Variants in ZNF451 observed in about 807,000 individuals in gnomAD.
The protein encoded by ZNF451 is E3 SUMO-protein ligase ZNF451.
ZNF451 carries 80 observed loss-of-function variants against 107.1 expected under a neutral mutation model. The observed-to-expected ratio is 0.75, with a 90% CI of 0.62 to 0.90. The LOEUF (loss-of-function observed/expected upper bound fraction) is 0.90, where lower values mean the gene tolerates loss of function less well. Ranked by LOEUF, ZNF451 falls within the 40% of genes least tolerant of loss-of-function variation. The pLI, the probability that ZNF451 is intolerant of heterozygous loss-of-function variation, is 0.00. For synonymous variants in ZNF451, 362 were observed against 406.5 expected (o/e 0.89, Z 1.32); for missense variants, 1,107 against 1,236.2 (o/e 0.90, Z 1.57).
At chr6:57,103,060 A>G in intron 3 of ZNF451, 1 of 985,346 alleles carries the variant, frequency 1.0e-6, no homozygotes, top group East Asian at 1.1e-4. Flanking sequence ...AGTGCATCAC[A>G]CTCTAAATAC....
intron 9 of ZNF451, among the ~76,000 whole-genome samples, chr6:57,145,295 G>C (rs1287574537): frequency 6.6e-6 from 1 of 152,144 alleles, no homozygotes; most frequent in Non-Finnish European, 1.5e-5. Context: ...AAATTAATCA[G>C]TTCTTTATTT....
chr6:57,141,616 A>G (rs1268597453), intron 8 of ZNF451, among the ~76,000 whole-genome samples, 161 bp downstream of exon 8: 1 of 152,216 alleles, frequency 6.6e-6, no homozygotes, highest in African/African-American at 2.4e-5. Context: ...AAGATTCTTA[A>G]TATTTATTTG....
intron 5 of ZNF451, among the ~76,000 whole-genome samples, chr6:57,131,392 T>A (rs894108480): frequency 2.6e-5 from 4 of 152,164 alleles, no homozygotes; most frequent in African/African-American, 9.7e-5. Flanking sequence ...TCTCCAACTT[T>A]ATTTTTATCC....
rs1294426795 is a variant in ZNF451, at chr6:57,170,094, TC to T, written c.*1626del. On this transcript the variant is annotated 3_prime_UTR_variant, in exon 15 of 15. Transcript: ENST00000370706. ...TCTGATAAGACAGGAAAGGGATATT[TC>T]ATCATGACTGTTAAGAAAAGGTAAC... The T allele has an allele frequency of 3.3e-5, 5 of 152,190 alleles. No individual in the cohort carries two copies. The highest frequency in any genetic ancestry group is 2.6e-4 in the Admixed American group (4 of 15,280). The allele number at this position is 152,190 out of a possible 1,614,324, so 9.4% of individuals were successfully genotyped here.
Position 57,148,592 on chromosome 6 carries a change from GTGCCTCACA to G in ZNF451, c.2509_2517del (p.Ala837_His839del). 6.2e-7 allele frequency: 1 copy of G among 1,614,100 alleles called. No individual in the cohort carries two copies. Among genetic ancestry groups the G allele is most frequent in the South Asian group, 1.1e-5 (1 of 91,078 alleles). On this transcript the variant is annotated inframe_deletion, in exon 10 of 15. Coordinates refer to ENST00000370706, the MANE Select transcript of ZNF451 (RefSeq NM_001031623.3). ...TCAAACCTGTACAAGTTTACTGCTA[GTGCCTCACA>G]TACAGAGAGAAAACTGAAACAGGCA...
intron 9 of ZNF451, among the ~76,000 whole-genome samples, chr6:57,145,463 C>T (rs1401787864): frequency 1.3e-5 from 2 of 152,106 alleles, no homozygotes; most frequent in Non-Finnish European, 2.9e-5. Context: ...CAACCTCCCA[C>T]CTTTTGGAGT....
rs1554302338 is a variant in ZNF451 at position 57,151,443 on chromosome 6, C to CTT, written c.2752+581_2752+582insTT. 23 of 150,724 alleles carry CTT rather than the reference C, an allele frequency of 1.5e-4. No individual in the cohort carries two copies. The East Asian group carries it at 4.3e-3, about 28-fold the overall frequency. 9.3% of individuals were successfully genotyped at this position (150,724 alleles called of 1,614,324 possible). ...AGATTGAAAAAGCCTTTATTCAACA[C>CTT]CTAAAATGTGTCAGGTGCTTTGGCT... On this transcript the variant is annotated intron_variant, in intron 11 of 14. Coordinates refer to ENST00000370706, the MANE Select transcript of ZNF451 (RefSeq NM_001031623.3).
At chr6:57,099,249 C>A in intron 3 of ZNF451, 108 bp downstream of exon 3, 1 of 870,986 alleles carries the variant, frequency 1.1e-6, no homozygotes, top group Non-Finnish European at 1.9e-6. Flanking sequence ...ATAGCCAGTT[C>A]TATTAGAATG....
chr6:57,152,392 A>G, intron 12 of ZNF451, 41 bp downstream of exon 12: 3 of 1,610,348 alleles, frequency 1.9e-6, no homozygotes, highest in Non-Finnish European at 2.5e-6. Context: ...TGAATCTCAG[A>G]CCCACTTGCA....
chr6:57,118,814 A>T (rs963183472), intron 3 of ZNF451, among the ~76,000 whole-genome samples: 1 of 152,190 alleles, frequency 6.6e-6, no homozygotes, highest in Non-Finnish European at 1.5e-5. Context: ...ATTTGCCTGT[A>T]CTAAGGGATC....
intron 3 of ZNF451, chr6:57,103,138 ACTC>A: frequency 1.0e-6 from 1 of 985,372 alleles, no homozygotes; most frequent in Middle Eastern, 5.2e-4. Context: ...GCAAATCTGA[ACTC>A]CTAAGACCAA....
At chr6:57,138,725 A>ATGTGTGTG (rs1256642481) in intron 7 of ZNF451, among the ~76,000 whole-genome samples, 14 of 116,360 alleles carry the variant, frequency 1.2e-4, no homozygotes, top group Non-Finnish European at 1.6e-4. Flanking sequence ...ATATATATAT[A>ATGTGTGTG]TATATATATA....
At chr6:57,095,237 C>A (rs926495227) in intron 2 of ZNF451, among the ~76,000 whole-genome samples, 2 of 151,594 alleles carry the variant, frequency 1.3e-5, no homozygotes, top group African/African-American at 4.9e-5. Context: ...TCATTCTACT[C>A]TGTCACTTAA....
At chr6:57,165,318 C>T (rs1035420944) in intron 14 of ZNF451, 31 of 152,168 alleles carry the variant, frequency 2.0e-4, no homozygotes, top group African/African-American at 7.2e-4. Flanking sequence ...CTTTCTGATC[C>T]TATTGCACTT....
chr6:57,140,799 C>T (rs547375015), intron 7 of ZNF451, among the ~76,000 whole-genome samples: 85 of 152,202 alleles, frequency 5.6e-4, no homozygotes, highest in South Asian at 1.0e-3. Flanking sequence ...CCTTTAGGTA[C>T]TATGGAATGA....
At chr6:57,115,126 G>A (rs1830304202) in intron 3 of ZNF451, 1 of 152,140 alleles carries the variant, frequency 6.6e-6, no homozygotes, top group Non-Finnish European at 1.5e-5. Context: ...TGGGAGTGTT[G>A]GTACATGCCT....
intron 9 of ZNF451, among the ~76,000 whole-genome samples, chr6:57,144,433 G>A (rs183335354): frequency 6.6e-6 from 1 of 151,410 alleles, no homozygotes; most frequent in African/African-American, 2.4e-5. Context: ...TAGAGACGGG[G>A]TTTCACCATG....
intron 3 of ZNF451, chr6:57,103,900 T>C: frequency 2.0e-6 from 2 of 985,352 alleles, no homozygotes; most frequent in Non-Finnish European, 2.4e-6. Flanking sequence ...CTACTTTTCT[T>C]CCTTATTTGT....
intron 13 of ZNF451, among the ~76,000 whole-genome samples, chr6:57,157,073 G>A (rs1763462462): frequency 6.6e-6 from 1 of 152,126 alleles, no homozygotes; most frequent in South Asian, 2.1e-4. Context: ...ACAGTGATAA[G>A]TTCTTTCATA....
Sources: allele counts gnomAD v4.1 joint callset (sites outside exome capture counted in the v4.1 genomes callset), GRCh38; gene constraint gnomAD v4.1.1; transcripts MANE v1.5; gene names NCBI Gene and HGNC (gene_info 2026-07-23, HGNC 2026-07-21).